CADM1: variants seen among roughly 807,000 people sequenced by gnomAD.
CADM1 encodes the protein TSLC-1.
A neutral mutation model predicts 53.1 loss-of-function variants in CADM1; 15 were observed. That is an observed-to-expected ratio of 0.28 (90% CI 0.19 to 0.44). The LOEUF (loss-of-function observed/expected upper bound fraction) is 0.44, where lower values mean the gene tolerates loss of function less well. Ranked by LOEUF, CADM1 falls within the 20% of genes least tolerant of loss-of-function variation. The pLI, the probability that CADM1 is intolerant of heterozygous loss-of-function variation, is 1.00. For missense variants in CADM1, 434 were observed against 611.3 expected (o/e 0.71, Z 3.06); for synonymous variants, 281 against 243.0 (o/e 1.16, Z -1.45).
chr11:115,194,940 C>A (rs1251616457), intron 9 of CADM1, among the ~76,000 whole-genome samples: 1 of 152,156 alleles, frequency 6.6e-6, no homozygotes, highest in Non-Finnish European at 1.5e-5. Flanking sequence ...ACCATCCGTG[C>A]GTTAAATCAC....
At chr11:115,276,660 C>T (rs1393953479) in intron 1 of CADM1, among the ~76,000 whole-genome samples, 5 of 152,148 alleles carry the variant, frequency 3.3e-5, no homozygotes, top group Non-Finnish European at 7.4e-5. Flanking sequence ...CTGTCTTATA[C>T]AATTAAGTTT....
rs746554513 is a variant in CADM1 at position 115,176,252 on chromosome 11, T to TAAAC, written c.*218_*221dup. The stretch of plus-strand genomic sequence containing the variant: ...TGACTTGGTAGGAAGAAATAAAAAT[T>TAAAC]AAACAAACAAACAAACGAAAAAAGA... On this transcript the variant is annotated 3_prime_UTR_variant, in exon 12 of 12. Transcript: ENST00000331581. The TAAAC allele has an allele frequency of 9.2e-6, 12 of 1,305,452 alleles. No homozygotes were observed. In the Admixed American group the frequency reaches 9.7e-5, roughly 11 times the overall value. The allele number at this position is 1,305,452 out of a possible 1,614,324, so 80.9% of individuals were successfully genotyped here. A position where few individuals can be genotyped will look rare whatever the true frequency, so the allele number is the denominator to read the frequency against.
chr11:115,445,754 G>T, intron 1 of CADM1: 1 of 453,466 alleles, frequency 2.2e-6, no homozygotes, highest in Non-Finnish European at 4.4e-6. Flanking sequence ...TGAGGTAGAA[G>T]AATCACCTGA....
intron 1 of CADM1, among the ~76,000 whole-genome samples, chr11:115,482,291 T>C (rs933445940): frequency 6.6e-6 from 1 of 152,196 alleles, no homozygotes; most frequent in Non-Finnish European, 1.5e-5. Flanking sequence ...ATATCTATTA[T>C]GGTTCTTGGC....
At chr11:115,237,526 CCAAG>C (rs1353103370) in intron 3 of CADM1, among the ~76,000 whole-genome samples, 1 of 152,158 alleles carries the variant, frequency 6.6e-6, no homozygotes, top group Non-Finnish European at 1.5e-5. Flanking sequence ...TGCACACATA[CCAAG>C]CAAAAATGTC....
chr11:115,265,348 T>A (rs986344774), intron 1 of CADM1, among the ~76,000 whole-genome samples: 3 of 152,198 alleles, frequency 2.0e-5, no homozygotes, highest in Non-Finnish European at 4.4e-5. Flanking sequence ...TAGACCAGTA[T>A]CTGGCCCTTA....
intron 1 of CADM1, among the ~76,000 whole-genome samples, chr11:115,312,779 A>C (rs2135166441): frequency 6.6e-6 from 1 of 152,280 alleles, no homozygotes; most frequent in East Asian, 1.9e-4. Flanking sequence ...AATATATTGC[A>C]TAGCAAGAAC....
intron 1 of CADM1, chr11:115,363,722 C>T (rs1334234873): frequency 6.6e-6 from 1 of 152,110 alleles, no homozygotes; most frequent in Non-Finnish European, 1.5e-5. Context: ...TATTTTAGTG[C>T]TTTATTGGGG....
In CADM1 at chr11:115,173,973, A is replaced by G. The variant is rs1938897278; in HGVS notation, c.*2501T>C. 2.1e-6 allele frequency: 2 copies of G among 958,090 alleles called. No homozygotes were observed. The highest frequency in any genetic ancestry group is 2.5e-6 in the Non-Finnish European group (2 of 805,162). 59.3% of individuals were successfully genotyped at this position (958,090 alleles called of 1,614,324 possible). On this transcript the variant is annotated 3_prime_UTR_variant, in exon 12 of 12. Coordinates refer to ENST00000331581, the MANE Select transcript of CADM1 (RefSeq NM_001301043.2). ...CCTGTACAAAGTAATACTCAACAAT[A>G]CATTTCAAACAGTGCACTGTATACT...
chr11:115,460,305 C>T (rs1375989236), intron 1 of CADM1, among the ~76,000 whole-genome samples: 1 of 152,178 alleles, frequency 6.6e-6, no homozygotes, highest in Non-Finnish European at 1.5e-5. Flanking sequence ...GTTCACACAA[C>T]GTGAACAGCT....
At chr11:115,216,072 C>T (rs576748338) in intron 6 of CADM1, among the ~76,000 whole-genome samples, 13 of 152,324 alleles carry the variant, frequency 8.5e-5, no homozygotes, top group African/African-American at 2.9e-4. Flanking sequence ...GGCAATCAGA[C>T]GTAATGTCCT....
At chr11:115,391,474 C>T (rs1269340796) in intron 1 of CADM1, among the ~76,000 whole-genome samples, 4 of 151,946 alleles carry the variant, frequency 2.6e-5, no homozygotes, top group Admixed American at 2.0e-4. Context: ...TAAATAACAT[C>T]CAGCAACAGA....
intron 1 of CADM1, among the ~76,000 whole-genome samples, chr11:115,264,602 G>C (rs537970706): frequency 6.6e-6 from 1 of 152,340 alleles, no homozygotes; most frequent in South Asian, 2.1e-4. Context: ...CTGATGATGA[G>C]AGCTCTGGTG....
At chr11:115,282,750 A>C (rs1943622100) in intron 1 of CADM1, among the ~76,000 whole-genome samples, 1 of 152,196 alleles carries the variant, frequency 6.6e-6, no homozygotes, top group African/African-American at 2.4e-5. Flanking sequence ...TAAATGGTCA[A>C]AGTAGCTGAG....
chr11:115,434,141 T>C (rs1346383233), intron 1 of CADM1, among the ~76,000 whole-genome samples: 1 of 152,160 alleles, frequency 6.6e-6, no homozygotes, highest in Admixed American at 6.5e-5. Context: ...CACACTGGCT[T>C]CCCCATGTCT....
intron 1 of CADM1, among the ~76,000 whole-genome samples, chr11:115,300,844 G>A (rs529384336): frequency 6.6e-5 from 10 of 152,052 alleles, no homozygotes; most frequent in Admixed American, 5.9e-4. Context: ...GTAGGCTCTG[G>A]TCATAAAACT....
At chr11:115,477,497 T>A (rs1949161519) in intron 1 of CADM1, among the ~76,000 whole-genome samples, 1 of 152,192 alleles carries the variant, frequency 6.6e-6, no homozygotes, top group African/African-American at 2.4e-5. Context: ...AACAGATCCA[T>A]AAAATATATC....
intron 1 of CADM1, among the ~76,000 whole-genome samples, chr11:115,423,611 A>T (rs1018684185): frequency 6.6e-6 from 1 of 152,140 alleles, no homozygotes; most frequent in African/African-American, 2.4e-5. Flanking sequence ...CTTGCATCAT[A>T]GTTCTTATTT....
At chr11:115,483,581 A>G (rs1194197385) in intron 1 of CADM1, among the ~76,000 whole-genome samples, 3 of 152,216 alleles carry the variant, frequency 2.0e-5, no homozygotes, top group Non-Finnish European at 2.9e-5. Flanking sequence ...AAAATTCACA[A>G]GCCCACAATA....
Sources: allele counts gnomAD v4.1 joint callset (sites outside exome capture counted in the v4.1 genomes callset), GRCh38; gene constraint gnomAD v4.1.1; transcripts MANE v1.5; gene names NCBI Gene and HGNC (gene_info 2026-07-23, HGNC 2026-07-21).